The following ZBTB7C variants were observed in gnomAD, a reference collection of about 807,000 sequenced individuals.
The protein encoded by ZBTB7C is zinc finger and BTB domain containing 7C, also known as zinc finger and BTB domain-containing protein 7C.
Under a neutral mutation model 25.7 loss-of-function variants are expected in ZBTB7C, and 8 were observed. The ratio of observed to expected loss-of-function variants is 0.31; its 90% CI spans 0.18 to 0.56. The LOEUF (loss-of-function observed/expected upper bound fraction) is 0.56. Among genes scored for constraint, ZBTB7C ranks in the 20% least tolerant of loss-of-function variants. ZBTB7C has a pLI of 0.91. For synonymous variants in ZBTB7C, 394 were observed against 369.0 expected (o/e 1.07, Z -0.78); for missense variants, 824 against 855.2 (o/e 0.96, Z 0.46).
chr18:48,052,441 G>C (rs2036727263), intron 3 of ZBTB7C, among the ~76,000 whole-genome samples: 1 of 152,218 alleles, frequency 6.6e-6, no homozygotes, highest in South Asian at 2.1e-4. Context: ...GTGCTCCACA[G>C]CTGGCTAGCC....
chr18:48,380,804 TA>T (rs2145206211), intron 1 of ZBTB7C, among the ~76,000 whole-genome samples: 1 of 152,354 alleles, frequency 6.6e-6, no homozygotes, highest in Admixed American at 6.5e-5. Flanking sequence ...GTGACCGATG[TA>T]CCATACTAAT....
Position 48,178,680 on chromosome 18 carries a change from C to T in ZBTB7C, c.-17+7254G>A, listed in dbSNP as rs117759395. On this transcript the variant is annotated intron_variant, in intron 3 of 4. Coordinates refer to ENST00000590800, the MANE Select transcript of ZBTB7C (RefSeq NM_001318841.2). ...AAATATTAGCTGATGCCTGTCGCATCGTCAGAGCGGGTCTGGCAACTTCTC... is the reference window on the plus strand; with the variant it reads ...AAATATTAGCTGATGCCTGTCGCATTGTCAGAGCGGGTCTGGCAACTTCTC... 1.7e-4 allele frequency among the ~76,000 whole-genome samples: 26 copies of T among 152,298 alleles called. No homozygotes were observed. The East Asian group carries it at 4.4e-3, about 26-fold the overall frequency.
intron 1 of ZBTB7C, among the ~76,000 whole-genome samples, chr18:48,363,821 T>A (rs999980614): frequency 1.2e-4 from 18 of 152,086 alleles, no homozygotes; most frequent in African/African-American, 4.3e-4. Context: ...GCCTACGTGA[T>A]GTCTTTTTAA....
At chr18:48,310,579 G>C (rs780599157) in intron 2 of ZBTB7C, among the ~76,000 whole-genome samples, 8 of 152,110 alleles carry the variant, frequency 5.3e-5, no homozygotes, top group Admixed American at 4.6e-4. Context: ...TGTCCCCTGA[G>C]GATGGTGAGC....
intron 2 of ZBTB7C, among the ~76,000 whole-genome samples, chr18:48,240,150 C>T (rs1430788829): frequency 6.6e-6 from 1 of 151,764 alleles, no homozygotes; most frequent in Non-Finnish European, 1.5e-5. Flanking sequence ...CTGAATTAAC[C>T]CAATCCAACA....
At chr18:48,100,203 G>A (rs1019096266) in intron 3 of ZBTB7C, among the ~76,000 whole-genome samples, 1 of 152,186 alleles carries the variant, frequency 6.6e-6, no homozygotes, top group Non-Finnish European at 1.5e-5. Context: ...AAATAATTTA[G>A]TGGAAGCAGA....
chr18:48,105,379 T>C (rs930588888), intron 3 of ZBTB7C, among the ~76,000 whole-genome samples: 1 of 152,166 alleles, frequency 6.6e-6, no homozygotes, highest in African/African-American at 2.4e-5. Flanking sequence ...GTAAAGAATC[T>C]CAGTGCTTCT....
chr18:48,079,866 A>G (rs1292044972), intron 3 of ZBTB7C, among the ~76,000 whole-genome samples: 2 of 152,180 alleles, frequency 1.3e-5, no homozygotes, highest in African/African-American at 2.4e-5. Context: ...GGGACCGAGC[A>G]CTGGCACCTC....
intron 2 of ZBTB7C, among the ~76,000 whole-genome samples, chr18:48,298,439 G>C (rs775854689): frequency 2.0e-5 from 3 of 152,086 alleles, no homozygotes; most frequent in Non-Finnish European, 4.4e-5. Context: ...AGGCCATCTA[G>C]TGCTATACCT....
At chr18:48,368,242 CA>C (rs780636646) in intron 1 of ZBTB7C, among the ~76,000 whole-genome samples, 974 of 95,480 alleles carry the variant, frequency 0.01, 4 homozygotes, top group African/African-American at 0.025. Flanking sequence ...GAAAGCCTAG[CA>C]AAAAAAAAAA....
Position 48,040,732 on chromosome 18 carries a change from T to C in ZBTB7C, c.376A>G (p.Ile126Val), listed in dbSNP as rs771585350. The change falls in exon 4 of 5, where the codon ATC becomes GTC. Residue 126 changes from isoleucine (I) to valine (V), a missense_variant. Ile to Val is a conservative substitution (Grantham distance 29). Around this residue, in one of 4 missense-constraint regions of ZBTB7C, gnomAD observed 117 missense variants for 167.7 expected, o/e 0.70. Coordinates refer to ENST00000590800, the MANE Select transcript of ZBTB7C (RefSeq NM_001318841.2). ...IQCIVNVCLE[I>V]MEPGGDGGEE... ...CCCCCGTCCCCCCCAGGCTCCATGA[T>C]CTCCAGGCACACGTTCACGATGCAC... The C allele has an allele frequency of 6.2e-7, 1 of 1,613,818 alleles. No individual in the cohort carries two copies. The highest frequency in any genetic ancestry group is 8.5e-7 in the Non-Finnish European group (1 of 1,179,946).
chr18:48,047,842 A>G (rs1014952814), intron 3 of ZBTB7C, among the ~76,000 whole-genome samples: 7 of 152,096 alleles, frequency 4.6e-5, no homozygotes, highest in African/African-American at 9.7e-5. Flanking sequence ...AAGCAACACA[A>G]CTCTGAAAGA....
intron 2 of ZBTB7C, among the ~76,000 whole-genome samples, chr18:48,220,628 A>G (rs941908796): frequency 4.7e-4 from 72 of 152,298 alleles, no homozygotes; most frequent in African/African-American, 1.7e-3. Context: ...ATTGAAACAG[A>G]TAAGCAGGGT....
At chr18:48,149,834 C>T (rs2040618537) in intron 3 of ZBTB7C, 1 of 142,462 alleles carries the variant, frequency 7.0e-6, no homozygotes, top group Non-Finnish European at 1.5e-5. Flanking sequence ...GATGGAGTCT[C>T]ACTCTGTTGC....
intron 3 of ZBTB7C, among the ~76,000 whole-genome samples, chr18:48,053,307 G>A (rs963044851): frequency 6.6e-6 from 1 of 152,106 alleles, no homozygotes; most frequent in Non-Finnish European, 1.5e-5. Flanking sequence ...TTGCATGCGC[G>A]GGTTGGGGAA....
chr18:48,138,842 C>G (rs1364647941), intron 3 of ZBTB7C, among the ~76,000 whole-genome samples: 1 of 152,188 alleles, frequency 6.6e-6, no homozygotes, highest in Non-Finnish European at 1.5e-5. Context: ...GTAAAGGTGC[C>G]AACACATGAC....
intron 1 of ZBTB7C, among the ~76,000 whole-genome samples, chr18:48,392,636 T>C (rs2047928256): frequency 6.6e-6 from 1 of 152,150 alleles, no homozygotes; most frequent in Non-Finnish European, 1.5e-5. Context: ...TTTTCCAGCT[T>C]TTACCAGAAT....
intron 2 of ZBTB7C, among the ~76,000 whole-genome samples, chr18:48,294,143 A>C (rs2045319396): frequency 6.6e-6 from 1 of 152,352 alleles, no homozygotes; most frequent in Admixed American, 6.5e-5. Context: ...CCCGGAGAGC[A>C]CATTAGCAGA....
At chr18:48,391,763 C>A (rs2047908158) in intron 1 of ZBTB7C, among the ~76,000 whole-genome samples, 1 of 152,082 alleles carries the variant, frequency 6.6e-6, no homozygotes, top group Admixed American at 6.5e-5. Context: ...GGGTGGGACC[C>A]CAAAATGCAC....
Sources: allele counts gnomAD v4.1 joint callset (sites outside exome capture counted in the v4.1 genomes callset), GRCh38; gene constraint gnomAD v4.1.1; regional missense constraint gnomAD v4.1.1; transcripts MANE v1.5; gene names NCBI Gene and HGNC (gene_info 2026-07-23, HGNC 2026-07-21).